The following OSBPL8 variants were observed in gnomAD, a reference collection of about 807,000 sequenced individuals.
The protein encoded by OSBPL8 is oxysterol-binding protein-related protein 8.
Under a neutral mutation model 125.5 loss-of-function variants are expected in OSBPL8, and 59 were observed. That is an observed-to-expected ratio of 0.47 (90% CI 0.38 to 0.58). The LOEUF (loss-of-function observed/expected upper bound fraction) is 0.58. Ranked by LOEUF, OSBPL8 falls within the 20% of genes least tolerant of loss-of-function variation. The probability of loss-of-function intolerance (pLI) is 0.00; values close to 1 mark genes in which losing one functional copy is unlikely to be tolerated. For missense variants in OSBPL8, 758 were observed against 1,047.8 expected, an observed-to-expected ratio of 0.72 and a Z score of 3.82; for synonymous variants, 330 against 338.9, an observed-to-expected ratio of 0.97 and a Z score of 0.29.
At chr12:76,387,100 G>C (rs1190130733) in intron 12 of OSBPL8, among the ~76,000 whole-genome samples, 1 of 152,202 alleles carries the variant, frequency 6.6e-6, no homozygotes, top group Non-Finnish European at 1.5e-5. Flanking sequence ...GAAGTCTTCA[G>C]CCTCACATGT....
intron 1 of OSBPL8, among the ~76,000 whole-genome samples, chr12:76,527,235 G>A (rs1318555820): frequency 6.6e-6 from 1 of 151,152 alleles, no homozygotes. Context: ...ATTAAGGAGG[G>A]TGGTGGGCCG....
chr12:76,478,681 A>T (rs1052180993), intron 2 of OSBPL8, among the ~76,000 whole-genome samples: 14 of 151,880 alleles, frequency 9.2e-5, no homozygotes, highest in Non-Finnish European at 2.1e-4. Context: ...TTTAGTACTC[A>T]CACAATAGGT....
At chr12:76,371,984 C>T (rs1243958202) in intron 18 of OSBPL8, 1 of 155,158 alleles carries the variant, frequency 6.4e-6, no homozygotes, top group Non-Finnish European at 1.4e-5. Flanking sequence ...CACACACACA[C>T]ATCCCTCTGA....
intron 4 of OSBPL8, among the ~76,000 whole-genome samples, chr12:76,417,464 TTGTC>T (rs1679402909): frequency 2.6e-5 from 4 of 152,206 alleles, no homozygotes; most frequent in Admixed American, 1.3e-4. Flanking sequence ...TTATCCTATT[TTGTC>T]TATTTCTTTT....
chr12:76,397,314 T>C (rs963203399), intron 8 of OSBPL8, among the ~76,000 whole-genome samples: 2 of 116,072 alleles, frequency 1.7e-5, no homozygotes, highest in East Asian at 2.7e-4. Context: ...CTACTTACCA[T>C]TTTGACAAAG....
At chr12:76,525,079 G>T (rs1395381314) in intron 1 of OSBPL8, among the ~76,000 whole-genome samples, 1 of 152,138 alleles carries the variant, frequency 6.6e-6, no homozygotes, top group Non-Finnish European at 1.5e-5. Context: ...AAACTGCAAA[G>T]GGGGGTAAAA....
At chr12:76,406,935 T>C (rs1320726242) in intron 5 of OSBPL8, among the ~76,000 whole-genome samples, 3 of 152,090 alleles carry the variant, frequency 2.0e-5, no homozygotes, top group Non-Finnish European at 4.4e-5. Context: ...AATAATGTCT[T>C]GGGGATGAGG....
chr12:76,476,661 A>G (rs1451470240), intron 2 of OSBPL8, among the ~76,000 whole-genome samples: 1 of 152,208 alleles, frequency 6.6e-6, no homozygotes, highest in East Asian at 1.9e-4. Flanking sequence ...GAAGTGCCAC[A>G]TTCACAAAAT....
At position 76,384,292 on chromosome 12, in the gene OSBPL8, C is replaced by T. The variant is rs1369769889; in HGVS notation, c.1592G>A (p.Cys531Tyr). ...FYVSNRKDGF[C>Y]LSGSILAKSK... is the part of the protein sequence containing the mutation. ...CTTAGCCAGGATACTACCGCTAAGG[C>T]AAAATCCATCTTTTCGATTACTAAC... The change falls in exon 15 of 24, where the codon TGC (cysteine) becomes TAC (tyrosine). Residue 531 changes from cysteine (C) to tyrosine (Y), a missense_variant. Cys to Tyr is a radical substitution (Grantham distance 194, BLOSUM62 -2). This residue lies in a region of OSBPL8 where 572 missense variants were observed against 762.0 expected (regional missense o/e 0.75). Transcript: ENST00000261183. The T allele has an allele frequency of 6.4e-7, 1 of 1,569,458 alleles. No individual in the cohort carries two copies. The highest frequency in any genetic ancestry group is 1.7e-5 in the Admixed American group (1 of 59,360).
In OSBPL8 at chr12:76,399,950, C is replaced by T; in HGVS notation, c.391G>A (p.Glu131Lys). ...LKVQKKNYRE[E>K]KKRATKELLS... ...AGCTCCTTTGTGGCTCTTTTCTTTT[C>T]TTCTCGGTAATTTTTCTTTTGTACC... is the stretch of plus-strand genomic sequence containing the variant. Residue 131 changes from glutamate to lysine, a missense_variant, in exon 7 of 24, where the codon GAA becomes AAA. Physicochemically the swap from Glu to Lys is moderately conservative, Grantham distance 56 (BLOSUM62 1). Coordinates refer to ENST00000261183, the MANE Select transcript of OSBPL8 (RefSeq NM_020841.5). The T allele has an allele frequency of 6.2e-7, 1 of 1,602,904 alleles. No homozygotes were observed. Among genetic ancestry groups the T allele is most frequent in the Non-Finnish European group, 8.5e-7 (1 of 1,177,062 alleles).
At chr12:76,436,037 G>C (rs1295248802) in intron 4 of OSBPL8, among the ~76,000 whole-genome samples, 1 of 152,108 alleles carries the variant, frequency 6.6e-6, no homozygotes, top group Non-Finnish European at 1.5e-5. Context: ...GAGTCTTGCA[G>C]CCATTCTCTC....
At position 76,507,036 on chromosome 12, in the gene OSBPL8, G is replaced by A. The variant is rs1476313554; in HGVS notation, c.-67-19418C>T. 2.0e-5 allele frequency among the ~76,000 whole-genome samples: 3 copies of A among 151,748 alleles called. No homozygotes were observed. The East Asian group carries it at 5.8e-4, about 29-fold the overall frequency. ...TTTTTTGTAAAAGAGTATGGCATTTGACAACCATATTGACTCATTTCTCAA... is the reference window on the plus strand; with the variant it reads ...TTTTTTGTAAAAGAGTATGGCATTTAACAACCATATTGACTCATTTCTCAA... On this transcript the variant is annotated intron_variant, in intron 1 of 23. Coordinates refer to ENST00000261183, the MANE Select transcript of OSBPL8 (RefSeq NM_020841.5).
chr12:76,411,648 AG>A (rs752640258), intron 4 of OSBPL8, among the ~76,000 whole-genome samples: 6 of 152,222 alleles, frequency 3.9e-5, no homozygotes, highest in Admixed American at 6.5e-5. Flanking sequence ...ATATAAAAAA[AG>A]GGATCTTTTT....
chr12:76,376,324 C>A (rs1315422152), intron 16 of OSBPL8, among the ~76,000 whole-genome samples: 1 of 152,154 alleles, frequency 6.6e-6, no homozygotes, highest in Admixed American at 6.5e-5. Flanking sequence ...CTTTAACATG[C>A]AATGTACAAT....
intron 1 of OSBPL8, among the ~76,000 whole-genome samples, chr12:76,511,398 A>C (rs1230381350): frequency 6.6e-6 from 1 of 152,112 alleles, no homozygotes; most frequent in Non-Finnish European, 1.5e-5. Flanking sequence ...CAACCTCAGC[A>C]CCTGTTATTT....
intron 1 of OSBPL8, among the ~76,000 whole-genome samples, chr12:76,513,744 GTTTT>G (rs35639287): frequency 1.3e-4 from 14 of 105,336 alleles, no homozygotes; most frequent in East Asian, 8.4e-4. Context: ...TAACCCCTGG[GTTTT>G]TTTTTTTTTT....
chr12:76,393,864 A>G (rs1363960573), intron 9 of OSBPL8, among the ~76,000 whole-genome samples: 1 of 151,886 alleles, frequency 6.6e-6, no homozygotes, highest in Non-Finnish European at 1.5e-5. Context: ...TACTAAAAAT[A>G]CAAAAATTAG....
chr12:76,423,867 T>A (rs557756432), intron 4 of OSBPL8, among the ~76,000 whole-genome samples: 1 of 152,330 alleles, frequency 6.6e-6, no homozygotes, highest in South Asian at 2.1e-4. Context: ...TATCTTACCA[T>A]AAGATCTCAG....
chr12:76,396,822 T>G (rs1264658829), intron 8 of OSBPL8, among the ~76,000 whole-genome samples: 1 of 151,788 alleles, frequency 6.6e-6, no homozygotes, highest in Non-Finnish European at 1.5e-5. Context: ...TGCTTGTTTG[T>G]TTTTTTTGAG....
Sources: gnomAD v4.1 joint callset for allele counts (sites outside exome capture counted in the v4.1 genomes callset) on GRCh38, gnomAD v4.1.1 for gene constraint, gnomAD v4.1.1 regional missense constraint, MANE v1.5 for transcripts, NCBI Gene and HGNC (gene_info 2026-07-23, HGNC 2026-07-21) for gene names.